Variants in DIP2B observed in about 807,000 individuals in gnomAD.
DIP2B encodes the protein DIP2 acetate--CoA ligase B (putative), also known as disco-interacting protein 2 homolog B.
Under a neutral mutation model 198.0 loss-of-function variants are expected in DIP2B, and 76 were observed. The observed-to-expected ratio is 0.38, with a 90% CI of 0.32 to 0.46. The LOEUF is 0.46. Ranked by LOEUF, DIP2B falls within the 20% of genes least tolerant of loss-of-function variation. DIP2B has a pLI of 0.99. For synonymous variants in DIP2B, 701 were observed against 739.1 expected (o/e 0.95, Z 0.84); for missense variants, 1,559 against 1,978.4 (o/e 0.79, Z 4.02).
chr12:50,612,851 C>G (rs1290623649), intron 1 of DIP2B, among the ~76,000 whole-genome samples: 2 of 152,178 alleles, frequency 1.3e-5, no homozygotes, highest in Admixed American at 1.3e-4. Context: ...TAGCCTGGAT[C>G]ATTGCTTCCT....
chr12:50,706,059 C>T (rs1321456713), intron 20 of DIP2B, among the ~76,000 whole-genome samples: 2 of 152,156 alleles, frequency 1.3e-5, no homozygotes, highest in Non-Finnish European at 2.9e-5. Context: ...CTTTATTAGC[C>T]TATTTCTAAT....
chr12:50,513,601 T>C (rs996899805), intron 1 of DIP2B, among the ~76,000 whole-genome samples: 1 of 152,170 alleles, frequency 6.6e-6, no homozygotes, highest in African/African-American at 2.4e-5. Flanking sequence ...TGGCTGGGTG[T>C]GGTGGCTCAC....
chr12:50,687,363 A>T (rs950917547), intron 12 of DIP2B, among the ~76,000 whole-genome samples: 1 of 152,212 alleles, frequency 6.6e-6, no homozygotes, highest in African/African-American at 2.4e-5. Flanking sequence ...ACTCAGAGTT[A>T]GGTCTAACTC....
intron 25 of DIP2B, among the ~76,000 whole-genome samples, chr12:50,719,515 A>T (rs1336921384): frequency 6.6e-6 from 1 of 152,222 alleles, no homozygotes. Flanking sequence ...AGCACATTTA[A>T]CTACTGGTTT....
chr12:50,728,658 C>T lies in DIP2B; in HGVS notation c.3621C>T (p.Phe1207=), dbSNP rs1055718583. 1.5e-5 allele frequency: 25 copies of T among 1,613,816 alleles called. No individual in the cohort carries two copies. Among genetic ancestry groups the T allele is most frequent in the Admixed American group, 5.0e-5 (3 of 59,996 alleles). Residue 1207 remains phenylalanine (F), a synonymous_variant, in exon 30 of 38, where the codon TTC becomes TTT. Coordinates refer to ENST00000301180, the MANE Select transcript of DIP2B (RefSeq NM_173602.3). The part of the protein sequence containing the change: ...ICLDPYCGLG[F]ALWCLCSVYS... ...TTGACCCTTACTGTGGACTTGGCTT[C>T]GCGCTCTGGTGTCTCTGCAGGTAGG...
intron 1 of DIP2B, among the ~76,000 whole-genome samples, chr12:50,570,989 G>A (rs1958607746): frequency 6.6e-6 from 1 of 152,074 alleles, no homozygotes; most frequent in Non-Finnish European, 1.5e-5. Flanking sequence ...TGTCCACAAG[G>A]AGCTTATAGT....
At chr12:50,641,224 G>T (rs1367832355) in intron 3 of DIP2B, among the ~76,000 whole-genome samples, 3 of 152,164 alleles carry the variant, frequency 2.0e-5, no homozygotes, top group African/African-American at 7.2e-5. Flanking sequence ...GGGCATGGTG[G>T]TGGGCACCTG....
intron 1 of DIP2B, among the ~76,000 whole-genome samples, chr12:50,615,834 G>C (rs1015732679): frequency 6.6e-6 from 1 of 152,156 alleles, no homozygotes; most frequent in African/African-American, 2.4e-5. Context: ...CAAACTCAGC[G>C]TTCGAACCCA....
chr12:50,698,954 CTTAATG>C, intron 18 of DIP2B, 106 bp from the exon 19 acceptor site: 2 of 1,217,208 alleles, frequency 1.6e-6, no homozygotes, highest in African/African-American at 3.0e-5. Flanking sequence ...GGTATTTTTA[CTTAATG>C]CCACTCAGTA....
At position 50,678,731 on chromosome 12, in the gene DIP2B, T is replaced by A. The variant is rs139194622; in HGVS notation, c.969T>A (p.Pro323=). 63 of 1,614,190 alleles carry A rather than the reference T, an allele frequency of 3.9e-5. No homozygotes were observed. The African/African-American group carries it at 7.7e-4, about 20-fold the overall frequency. Residue 323 remains proline, a synonymous_variant, in exon 8 of 38, where the codon CCT becomes CCA. Transcript: ENST00000301180. ...AGCCGGAGGGACGGCAGATGACCCC[T>A]GTGAAAGGAGAGCCTTTAGGAGTCA... ...QPKPEGRQMT[P]VKGEPLGVIC...
chr12:50,519,036 A>G (rs115225248), intron 1 of DIP2B, among the ~76,000 whole-genome samples: 6 of 151,940 alleles, frequency 3.9e-5, no homozygotes, highest in Admixed American at 1.3e-4. Context: ...GAACCACTGC[A>G]TCTGGCCACA....
In DIP2B at chr12:50,699,064, A is replaced by G; in HGVS notation, c.2189-2A>G. 1 of 1,614,028 alleles carries G rather than the reference A, an allele frequency of 6.2e-7. No homozygotes were observed. Among genetic ancestry groups the G allele is most frequent in the Non-Finnish European group, 8.5e-7 (1 of 1,179,960 alleles). ...CTTTAACCTGTATTTTCTGTACGTTAGGGATGATGTGCATTGTGAAACCAG... is the reference window on the plus strand; with the variant it reads ...CTTTAACCTGTATTTTCTGTACGTTGGGGATGATGTGCATTGTGAAACCAG... On this transcript the variant is annotated splice_acceptor_variant, in intron 18 of 37. Coordinates refer to ENST00000301180, the MANE Select transcript of DIP2B (RefSeq NM_173602.3). LOFTEE classifies it high-confidence loss of function.
chr12:50,735,915 G>A (rs1352123128), intron 34 of DIP2B, among the ~76,000 whole-genome samples: 1 of 152,204 alleles, frequency 6.6e-6, no homozygotes, highest in African/African-American at 2.4e-5. Flanking sequence ...TAACATCTGT[G>A]GGAGTAAGAT....
chr12:50,643,590 G>A (rs1188717256), intron 3 of DIP2B, among the ~76,000 whole-genome samples: 2 of 152,134 alleles, frequency 1.3e-5, no homozygotes, highest in East Asian at 3.8e-4. Context: ...GAGGATGCAA[G>A]CATAGACTTT....
At chr12:50,680,379 A>C (rs546975094) in intron 8 of DIP2B, 18 of 230,124 alleles carry the variant, frequency 7.8e-5, no homozygotes, top group African/African-American at 2.9e-4. Context: ...ATTATTTCTA[A>C]GGATATGCAG....
intron 3 of DIP2B, among the ~76,000 whole-genome samples, chr12:50,652,022 A>C (rs563655273): frequency 6.6e-6 from 1 of 152,188 alleles, no homozygotes; most frequent in South Asian, 2.1e-4. Flanking sequence ...TCTACTAAAA[A>C]TACAAAAATT....
intron 1 of DIP2B, among the ~76,000 whole-genome samples, chr12:50,514,753 G>C (rs1158741325): frequency 6.6e-6 from 1 of 151,748 alleles, no homozygotes; most frequent in Non-Finnish European, 1.5e-5. Context: ...GACTTCCTGG[G>C]CTCAAGTGAT....
At chr12:50,702,563 TA>T (rs1230907145) in intron 19 of DIP2B, among the ~76,000 whole-genome samples, 4 of 148,310 alleles carry the variant, frequency 2.7e-5, no homozygotes, top group Non-Finnish European at 3.0e-5. Flanking sequence ...AACTCTGTCT[TA>T]AAAAAAAAAT....
intron 2 of DIP2B, among the ~76,000 whole-genome samples, chr12:50,633,021 CT>C (rs201721917): frequency 0.01 from 1,543 of 152,026 alleles, 27 homozygotes; most frequent in African/African-American, 0.036. Flanking sequence ...TCAAGCGATC[CT>C]TCTGCCTCAG....
Sources: allele counts gnomAD v4.1 joint callset (sites outside exome capture counted in the v4.1 genomes callset), GRCh38; gene constraint gnomAD v4.1.1; transcripts MANE v1.5; gene names NCBI Gene and HGNC (gene_info 2026-07-23, HGNC 2026-07-21).